The following THSD4 variants were observed in gnomAD, a reference collection of about 807,000 sequenced individuals.
The protein encoded by THSD4 is thrombospondin type 1 domain containing 4.
In THSD4, 69 loss-of-function variants were observed where a neutral mutation model predicts 119.0. The ratio of observed to expected loss-of-function variants is 0.58; its 90% confidence interval spans 0.48 to 0.71. The LOEUF (loss-of-function observed/expected upper bound fraction) is 0.71. Ranked by LOEUF, THSD4 falls within the 30% of genes least tolerant of loss-of-function variation. The probability of loss-of-function intolerance (pLI) is 0.00; values close to 1 mark genes in which losing one functional copy is unlikely to be tolerated. For synonymous variants in THSD4, 524 were observed against 540.4 expected, an observed-to-expected ratio of 0.97 and a Z score of 0.42; for missense variants, 1,393 against 1,391.1, an observed-to-expected ratio of 1.00 and a Z score of -0.02.
chr15:71,292,769 C>T (rs899061392), intron 6 of THSD4, among the ~76,000 whole-genome samples: 9 of 151,774 alleles, frequency 5.9e-5, no homozygotes, highest in East Asian at 3.9e-4. Context: ...CTCCGCCTCC[C>T]GGGTTCACAC....
chr15:71,557,434 TTTCTTTC>T (rs1232744617), intron 7 of THSD4, among the ~76,000 whole-genome samples: 2 of 152,130 alleles, frequency 1.3e-5, no homozygotes, highest in Non-Finnish European at 2.9e-5. Flanking sequence ...CCTGTAAACT[TTTCTTTC>T]TTATGGTTTA....
intron 10 of THSD4, chr15:71,731,511 G>T: frequency 2.7e-6 from 1 of 370,134 alleles, no homozygotes; most frequent in South Asian, 2.8e-5. Context: ...AGACAAGGGG[G>T]CTCATGCCTG....
At chr15:71,317,478 A>G (rs1567193400) in intron 6 of THSD4, among the ~76,000 whole-genome samples, 4 of 152,332 alleles carry the variant, frequency 2.6e-5, no homozygotes, top group African/African-American at 4.8e-5. Flanking sequence ...CTCCCCTTTT[A>G]TAAAACCATC....
chr15:71,153,020 A>G (rs1405743250), intron 2 of THSD4, among the ~76,000 whole-genome samples: 1 of 152,134 alleles, frequency 6.6e-6, no homozygotes, highest in Admixed American at 6.5e-5. Flanking sequence ...AGGCTCTAAA[A>G]ATACAGACTG....
At chr15:71,324,190 C>G (rs1030472578) in intron 6 of THSD4, among the ~76,000 whole-genome samples, 1 of 144,668 alleles carries the variant, frequency 6.9e-6, no homozygotes. Context: ...TTTTTGTGTT[C>G]TTTTTTTTTT....
At chr15:71,283,751 A>G (rs1381858854) in intron 6 of THSD4, among the ~76,000 whole-genome samples, 1 of 152,198 alleles carries the variant, frequency 6.6e-6, no homozygotes, top group African/African-American at 2.4e-5. Flanking sequence ...CATCATGGGA[A>G]ATTTTTTGCC....
chr15:71,273,662 G>A (rs760431235), intron 6 of THSD4, among the ~76,000 whole-genome samples: 3 of 151,990 alleles, frequency 2.0e-5, no homozygotes, highest in Non-Finnish European at 4.4e-5. Flanking sequence ...TTTATCAATC[G>A]AAATAAAATT....
intron 3 of THSD4, among the ~76,000 whole-genome samples, chr15:71,196,559 A>G (rs1383912934): frequency 6.6e-6 from 1 of 152,192 alleles, no homozygotes; most frequent in East Asian, 1.9e-4. Flanking sequence ...CTTTAGGGAC[A>G]GTGGCAGTAT....
intron 3 of THSD4, among the ~76,000 whole-genome samples, chr15:71,203,618 A>G (rs1440029912): frequency 6.6e-6 from 1 of 152,170 alleles, no homozygotes; most frequent in Non-Finnish European, 1.5e-5. Flanking sequence ...GTGAGCCGAG[A>G]TTGTGCTACA....
At chr15:71,599,856 T>C (rs1188515660) in intron 7 of THSD4, among the ~76,000 whole-genome samples, 3 of 152,184 alleles carry the variant, frequency 2.0e-5, no homozygotes, top group Non-Finnish European at 4.4e-5. Context: ...AGCCCCAATG[T>C]CTTCCCCACA....
At chr15:71,171,074 A>C (rs1446972467) in intron 3 of THSD4, among the ~76,000 whole-genome samples, 2 of 152,182 alleles carry the variant, frequency 1.3e-5, no homozygotes, top group South Asian at 4.1e-4. Context: ...TGGCTAATAC[A>C]TGGGCAATTA....
chr15:71,338,814 G>A (rs147115137), intron 6 of THSD4, among the ~76,000 whole-genome samples: 19 of 152,200 alleles, frequency 1.2e-4, no homozygotes, highest in Non-Finnish European at 2.4e-4. Context: ...CTACCCAACC[G>A]AGTGGACCTA....
At chr15:71,767,587 TAGATAC>T (rs1188834620) in intron 16 of THSD4, 1 of 152,198 alleles carries the variant, frequency 6.6e-6, no homozygotes, top group Non-Finnish European at 1.5e-5. Flanking sequence ...TAGGAGAAAG[TAGATAC>T]AGATACAAGA....
chr15:71,151,301 G>C (rs1335911348), intron 2 of THSD4, among the ~76,000 whole-genome samples: 2 of 151,942 alleles, frequency 1.3e-5, no homozygotes, highest in Non-Finnish European at 2.9e-5. Context: ...ATCCAAAACT[G>C]CTCCTTACAA....
Position 71,418,396 on chromosome 15 carries a change from G to A in THSD4, c.1152+6573G>A, listed in dbSNP as rs184746382. 1.2e-3 allele frequency among the ~76,000 whole-genome samples: 125 copies of A among 108,648 alleles called. 40 individuals are homozygous for A. The highest frequency in any genetic ancestry group is 3.6e-3 in the African/African-American group (115 of 32,062). 71.3% of individuals were successfully genotyped at this position (108,648 alleles called of 152,430 possible). On this transcript the variant is annotated intron_variant, in intron 7 of 17. Coordinates refer to ENST00000261862, the MANE Select transcript of THSD4 (RefSeq NM_024817.3). ...TCAGTATGAAACTGGCTGTGGGTCT[G>A]TCATATATGACTTAATTATGTTAAG...
chr15:71,363,822 A>G (rs2045923938), intron 6 of THSD4, among the ~76,000 whole-genome samples: 1 of 152,202 alleles, frequency 6.6e-6, no homozygotes, highest in Non-Finnish European at 1.5e-5. Flanking sequence ...TCAGTTTTCT[A>G]CAGTTTATAG....
intron 6 of THSD4, among the ~76,000 whole-genome samples, chr15:71,283,032 C>T (rs1567180720): frequency 6.7e-6 from 1 of 148,554 alleles, no homozygotes; most frequent in Non-Finnish European, 1.5e-5. Context: ...TGCAGTGGCA[C>T]AATCTCGGCT....
At chr15:71,166,003 C>A (rs1567143010) in intron 3 of THSD4, among the ~76,000 whole-genome samples, 2 of 152,086 alleles carry the variant, frequency 1.3e-5, no homozygotes, top group Non-Finnish European at 2.9e-5. Context: ...CATCTCTAGG[C>A]CAGCTATTGA....
Position 71,737,714 on chromosome 15 carries a change from C to T in THSD4, c.1631-18C>T. On this transcript the variant is annotated intron_variant, in intron 10 of 17. Transcript: ENST00000261862. ...TAAACTGATCCTGATTCTGTGTGTG[C>T]ACGCTCACCTCTCCTAGGGGAACCC... 1 of 1,584,120 alleles carries T rather than the reference C, an allele frequency of 6.3e-7. No homozygotes were observed. Among genetic ancestry groups the T allele is most frequent in the African/African-American group, 1.3e-5 (1 of 74,300 alleles).
Sources: allele counts gnomAD v4.1 joint callset (sites outside exome capture counted in the v4.1 genomes callset), GRCh38; gene constraint gnomAD v4.1.1; transcripts MANE v1.5; gene names NCBI Gene and HGNC (gene_info 2026-07-23, HGNC 2026-07-21).